Variants in MPP7 observed in about 807,000 individuals in gnomAD.
MPP7 encodes MAGUK p55 scaffold protein 7, also known as MAGUK p55 subfamily member 7.
Under a neutral mutation model 76.5 loss-of-function variants are expected in MPP7, and 60 were observed. That is an observed-to-expected ratio of 0.78 (90% confidence interval 0.64 to 0.97). MPP7 has a LOEUF of 0.97. MPP7 is among the 50% of genes least tolerant of loss of function. The probability of loss-of-function intolerance (pLI) is 0.00; values close to 1 mark genes in which losing one functional copy is unlikely to be tolerated. For synonymous variants in MPP7, 237 were observed against 244.5 expected (o/e 0.97, Z 0.29); for missense variants, 641 against 694.0 (o/e 0.92, Z 0.86).
intron 2 of MPP7, among the ~76,000 whole-genome samples, chr10:28,319,294 G>A (rs1157262193): frequency 6.6e-6 from 1 of 152,160 alleles, no homozygotes; most frequent in Non-Finnish European, 1.5e-5. Flanking sequence ...CCTCCCACCA[G>A]GTTCCTCCAC....
At chr10:28,230,852 G>T (rs575834321) in intron 2 of MPP7, among the ~76,000 whole-genome samples, 1 of 151,926 alleles carries the variant, frequency 6.6e-6, no homozygotes, top group Non-Finnish European at 1.5e-5. Flanking sequence ...AAAACTGATA[G>T]AACTACAAGA....
intron 2 of MPP7, among the ~76,000 whole-genome samples, chr10:28,212,843 C>T (rs765211698): frequency 2.0e-5 from 3 of 152,132 alleles, no homozygotes; most frequent in Non-Finnish European, 2.9e-5. Flanking sequence ...GTACTGACTA[C>T]CTTTGGCAGA....
At chr10:28,132,485 C>G (rs1835224359) in intron 5 of MPP7, among the ~76,000 whole-genome samples, 1 of 152,134 alleles carries the variant, frequency 6.6e-6, no homozygotes, top group Non-Finnish European at 1.5e-5. Flanking sequence ...GGCTGGAGTT[C>G]AGCGGTGGGA....
intron 1 of MPP7, among the ~76,000 whole-genome samples, chr10:28,283,707 G>T (rs1172706771): frequency 3.3e-5 from 5 of 151,006 alleles, no homozygotes; most frequent in Admixed American, 2.6e-4. Context: ...TAGAGACGAG[G>T]TTTCTCCATG....
chr10:28,106,731 T>A (rs1192997780), intron 11 of MPP7, among the ~76,000 whole-genome samples: 1 of 152,152 alleles, frequency 6.6e-6, no homozygotes, highest in Non-Finnish European at 1.5e-5. Context: ...TCAACGGCAA[T>A]CCTTCCTCTG....
intron 1 of MPP7, among the ~76,000 whole-genome samples, chr10:28,279,485 T>A (rs928408356): frequency 5.3e-5 from 8 of 151,988 alleles, no homozygotes; most frequent in African/African-American, 1.9e-4. Flanking sequence ...TCCCATCACT[T>A]TGGGAGGCCG....
chr10:28,313,319 A>G (rs1166950678), intron 2 of MPP7, among the ~76,000 whole-genome samples: 1 of 152,158 alleles, frequency 6.6e-6, no homozygotes, highest in Non-Finnish European at 1.5e-5. Flanking sequence ...CAGCCTGATC[A>G]ACATGGTGAA....
At chr10:28,081,955 T>C (rs1323433556) in intron 12 of MPP7, among the ~76,000 whole-genome samples, 1 of 152,158 alleles carries the variant, frequency 6.6e-6, no homozygotes, top group Non-Finnish European at 1.5e-5. Context: ...TTTCACCATG[T>C]TGGCCAGGCT....
chr10:28,160,751 G>T (rs184797455), intron 3 of MPP7, among the ~76,000 whole-genome samples: 1 of 152,072 alleles, frequency 6.6e-6, no homozygotes, highest in African/African-American at 2.4e-5. Context: ...TTACAAACAC[G>T]GTCTTCTGAA....
intron 1 of MPP7, among the ~76,000 whole-genome samples, chr10:28,277,497 C>T (rs556753534): frequency 6.6e-6 from 1 of 151,992 alleles, no homozygotes; most frequent in African/African-American, 2.4e-5. Flanking sequence ...TGCATGCGGC[C>T]CATGGGCCGC....
intron 3 of MPP7, among the ~76,000 whole-genome samples, chr10:28,166,659 G>A (rs915002468): frequency 5.3e-5 from 8 of 151,776 alleles, no homozygotes; most frequent in African/African-American, 1.5e-4. Flanking sequence ...CGCCCATCTC[G>A]GCCTCCCAAA....
rs555899286 is a variant in MPP7, at chr10:28,085,923, A to T, written c.1123+3748T>A. 2.0e-5 allele frequency among the ~76,000 whole-genome samples: 3 copies of T among 152,358 alleles called. No homozygotes were observed. The East Asian group carries it at 5.8e-4, about 29-fold the overall frequency. ...ATCAATAATACACTGGATAAAGACAATGTGGCACATATACACCATGGAATA... is the reference window on the plus strand; with the variant it reads ...ATCAATAATACACTGGATAAAGACATTGTGGCACATATACACCATGGAATA... On this transcript the variant is annotated intron_variant, in intron 12 of 16. Coordinates refer to ENST00000683449, the MANE Select transcript of MPP7 (RefSeq NM_001318170.2).
chr10:28,295,533 T>C (rs1383996191), intron 1 of MPP7, among the ~76,000 whole-genome samples: 1 of 151,450 alleles, frequency 6.6e-6, no homozygotes, highest in Non-Finnish European at 1.5e-5. Flanking sequence ...ACAACATGAC[T>C]TCAACAGTCT....
Position 28,235,117 on chromosome 10 carries a change from C to G in MPP7, c.37+3451G>C, listed in dbSNP as rs904930770. ...AGCCACTGTGCCTGATTTCTAAAGT[C>G]TTAGAAATCATTATGGCCAAGAGAA... On this transcript the variant is annotated intron_variant, in intron 2 of 16. Coordinates refer to ENST00000683449, the MANE Select transcript of MPP7 (RefSeq NM_001318170.2). Among the ~76,000 whole-genome samples the G allele has an allele frequency of 2.6e-5, 4 of 152,040 alleles. No homozygotes were observed. In the East Asian group the frequency reaches 5.8e-4, roughly 22 times the overall value.
At chr10:28,109,207 G>A (rs184229714) in intron 11 of MPP7, among the ~76,000 whole-genome samples, 33 of 152,254 alleles carry the variant, frequency 2.2e-4, no homozygotes, top group Admixed American at 4.6e-4. Context: ...AGAATCACTT[G>A]AACCCCGGAG....
intron 1 of MPP7, among the ~76,000 whole-genome samples, chr10:28,257,841 T>C (rs1368099242): frequency 1.3e-5 from 2 of 151,970 alleles, no homozygotes; most frequent in African/African-American, 2.4e-5. Context: ...CAATTCCTGA[T>C]CAATACAATG....
chr10:28,092,801 A>G (rs1588756371), intron 11 of MPP7, among the ~76,000 whole-genome samples: 1 of 136,598 alleles, frequency 7.3e-6, no homozygotes, highest in South Asian at 2.4e-4. Flanking sequence ...GTTGGTCTTG[A>G]AGCCCTGAGC....
intron 5 of MPP7, among the ~76,000 whole-genome samples, chr10:28,132,896 T>C (rs1170215484): frequency 2.2e-5 from 1 of 45,676 alleles, no homozygotes; most frequent in Non-Finnish European, 1.3e-4. Context: ...CTGCACCTAG[T>C]GCATATCCTA....
chr10:28,084,716 C>T (rs888083349), intron 12 of MPP7, among the ~76,000 whole-genome samples: 4 of 152,124 alleles, frequency 2.6e-5, no homozygotes, highest in African/African-American at 9.7e-5. Flanking sequence ...TATAACCTTT[C>T]GTGGTAAGTG....
Sources: gnomAD v4.1 joint callset for allele counts (sites outside exome capture counted in the v4.1 genomes callset) on GRCh38, gnomAD v4.1.1 for gene constraint, MANE v1.5 for transcripts, NCBI Gene and HGNC (gene_info 2026-07-23, HGNC 2026-07-21) for gene names.